SPMIP9: variants seen among roughly 807,000 people sequenced by gnomAD.
The protein encoded by SPMIP9 is protein SPMIP9.
chr2:88,528,138 CTTT>C, the SPMIP9 span, among the ~76,000 whole-genome samples: 2 of 135,496 alleles, frequency 1.5e-5, no homozygotes, highest in African/African-American at 2.7e-5. Context: ...AGCATTTTCC[CTTT>C]TTTTTTTTTT....
chr2:88,529,225 C>T, the SPMIP9 span: 33 of 1,614,032 alleles, frequency 2.0e-5, no homozygotes, highest in East Asian at 4.0e-4. Context: ...CGAGGGAGGA[C>T]GAGCGCAAGT....
At chr2:88,527,719 C>G in the SPMIP9 span, among the ~76,000 whole-genome samples, 7 of 152,264 alleles carry the variant, frequency 4.6e-5, no homozygotes, top group East Asian at 1.3e-3. Context: ...TCTTCCCACT[C>G]CCAAATGCTG....
the SPMIP9 span, among the ~76,000 whole-genome samples, chr2:88,527,330 TA>T: frequency 6.6e-6 from 1 of 152,146 alleles, no homozygotes; most frequent in East Asian, 1.9e-4. Flanking sequence ...CCCGTCTCTA[TA>T]AAAAATACAA....
the SPMIP9 span, chr2:88,528,907 C>G: frequency 1.3e-6 from 1 of 773,618 alleles, no homozygotes; most frequent in African/African-American, 1.7e-5. Context: ...AGCATTCCCT[C>G]TGTTGTATAT....
the SPMIP9 span, chr2:88,529,533 T>TGA: frequency 7.0e-7 from 1 of 1,425,762 alleles, no homozygotes; most frequent in African/African-American, 1.4e-5. Flanking sequence ...CCTATGACCT[T>TGA]GGAGTGCAGA....
At chr2:88,528,353 G>A in the SPMIP9 span, among the ~76,000 whole-genome samples, 4 of 152,072 alleles carry the variant, frequency 2.6e-5, no homozygotes, top group Non-Finnish European at 5.9e-5. Flanking sequence ...GGCCAGGCTG[G>A]TCTTGGACTC....
At chr2:88,526,707 C>T in the SPMIP9 span, among the ~76,000 whole-genome samples, 9 of 152,028 alleles carry the variant, frequency 5.9e-5, no homozygotes, top group Admixed American at 2.6e-4. Context: ...CTCTGTCACC[C>T]AGGCTGGAGT....
At chr2:88,526,175 A>G in the SPMIP9 span, among the ~76,000 whole-genome samples, 1 of 152,034 alleles carries the variant, frequency 6.6e-6, no homozygotes, top group African/African-American at 2.4e-5. Context: ...CCATCAGGAG[A>G]TAGGAAAGAG....
At chr2:88,527,090 A>G in the SPMIP9 span, among the ~76,000 whole-genome samples, 1 of 152,204 alleles carries the variant, frequency 6.6e-6, no homozygotes, top group Non-Finnish European at 1.5e-5. Context: ...CGCTTAAAAC[A>G]TGGCACATTA....
At chr2:88,529,462 A>G in the SPMIP9 span, 1 of 1,611,660 alleles carries the variant, frequency 6.2e-7, no homozygotes, top group South Asian at 1.1e-5. Context: ...CCTTGATGCC[A>G]TTTTACCAGT....
chr2:88,526,598 G>T, the SPMIP9 span: 1 of 872,904 alleles, frequency 1.1e-6, no homozygotes, highest in Non-Finnish European at 1.9e-6. Context: ...GCCCTTGTTA[G>T]AACAATATCC....
At chr2:88,529,433 A>T in the SPMIP9 span, 1 of 1,613,822 alleles carries the variant, frequency 6.2e-7, no homozygotes, top group African/African-American at 1.3e-5. Context: ...CAAGGTCCCC[A>T]TCTTGAACCG....
chr2:88,529,163 G>A, the SPMIP9 span: 1 of 1,614,026 alleles, frequency 6.2e-7, no homozygotes, highest in African/African-American at 1.3e-5. Context: ...CCACATGACT[G>A]CCAAAGACCT....
At chr2:88,529,489 CCTTCCAAAGGCT>C in the SPMIP9 span, 42 of 1,600,272 alleles carry the variant, frequency 2.6e-5, no homozygotes, top group Admixed American at 3.9e-4. Flanking sequence ...GATGAAAATA[CCTTCCAAAGGCT>C]CTTCCAAGGG....
chr2:88,526,441 A>G, the SPMIP9 span: 20 of 1,614,136 alleles, frequency 1.2e-5, no homozygotes, highest in Non-Finnish European at 1.7e-5. Flanking sequence ...AAGCTCCCAC[A>G]TGGTCGACTA....
the SPMIP9 span, among the ~76,000 whole-genome samples, chr2:88,525,472 ACC>A: frequency 6.6e-6 from 1 of 152,146 alleles, no homozygotes; most frequent in African/African-American, 2.4e-5. Flanking sequence ...ATCACCACCA[ACC>A]CCTTGATGAT....
the SPMIP9 span, among the ~76,000 whole-genome samples, chr2:88,527,448 A>C: frequency 7.2e-4 from 108 of 149,636 alleles, no homozygotes; most frequent in Middle Eastern, 3.4e-3. Flanking sequence ...TATCCCCCCC[A>C]AAAAAATCAT....
the SPMIP9 span, among the ~76,000 whole-genome samples, chr2:88,527,153 C>T: frequency 1.2e-4 from 19 of 152,072 alleles, no homozygotes; most frequent in African/African-American, 4.3e-4. Flanking sequence ...ACCCCTCCTC[C>T]CATCTCCAGA....
the SPMIP9 span, chr2:88,526,451 A>C: frequency 1.2e-6 from 2 of 1,614,162 alleles, no homozygotes; most frequent in Non-Finnish European, 1.7e-6. Flanking sequence ...ATGGTCGACT[A>C]TCAGCCCTAC....
Sources: allele counts gnomAD v4.1 joint callset (sites outside exome capture counted in the v4.1 genomes callset), GRCh38; gene constraint gnomAD v4.1.1; transcripts MANE v1.5; gene names NCBI Gene and HGNC (gene_info 2026-07-23, HGNC 2026-07-21).